KLK12: variants seen among roughly 807,000 people sequenced by gnomAD.
KLK12 encodes the protein kallikrein related peptidase 12, also known as kallikrein-12.
A neutral mutation model predicts 20.0 loss-of-function variants in KLK12; 23 were observed. The ratio of observed to expected loss-of-function variants is 1.15; its 90% CI spans 0.83 to 1.63. The LOEUF (loss-of-function observed/expected upper bound fraction) is 1.63, where lower values mean the gene tolerates loss of function less well. KLK12 is among the 40% of genes most tolerant of loss of function. The probability of loss-of-function intolerance (pLI) is 0.00; values close to 1 mark genes in which losing one functional copy is unlikely to be tolerated. For synonymous variants in KLK12, 147 were observed against 141.9 expected (o/e 1.04, Z -0.25); for missense variants, 351 against 338.6 (o/e 1.04, Z -0.29).
chr19:51,034,764 G>T (rs2091595506), intron 1 of KLK12, 42 bp downstream of exon 1: 1 of 1,520,852 alleles, frequency 6.6e-7, no homozygotes, highest in Admixed American at 2.0e-5. Flanking sequence ...CTGCTCCCCT[G>T]TGTGTCACTC....
At chr19:51,032,801 C>T (rs2091572745) in intron 3 of KLK12, among the ~76,000 whole-genome samples, 1 of 152,126 alleles carries the variant, frequency 6.6e-6, no homozygotes, top group Non-Finnish European at 1.5e-5. Context: ...CATGCTCATG[C>T]GTGGACGAGT....
At position 51,031,976 on chromosome 19, in the gene KLK12, G is replaced by T; in HGVS notation, c.357C>A (p.Arg119=). 1 of 1,613,164 alleles carries T rather than the reference G, an allele frequency of 6.2e-7. No homozygotes were observed. The highest frequency in any genetic ancestry group is 2.2e-5 in the East Asian group (1 of 44,872). ...LRLLRLRLPV[R]VTSSVQPLPL... ...GCAGGGGTTGAACGCTGCTGGTTAC[G>T]CGGACGGGCAGGCGCAGCCGCAGCA... The change falls in exon 4 of 6, where the codon CGC becomes CGA. Residue 119 remains arginine (R), a synonymous_variant. Coordinates refer to ENST00000684732, the MANE Select transcript of KLK12 (RefSeq NM_001370125.1).
intron 3 of KLK12, 56 bp from the exon 4 acceptor site, chr19:51,032,191 C>G: frequency 6.1e-6 from 9 of 1,483,414 alleles, no homozygotes; most frequent in Non-Finnish European, 8.0e-6. Context: ...ACCTTGCACC[C>G]CTCCACGGAC....
rs2091552321 is a variant in KLK12, at chr19:51,030,981, CCCTCTT to C, written c.458-66_458-61del. On this transcript the variant is annotated intron_variant, in intron 4 of 5. Coordinates refer to ENST00000684732, the MANE Select transcript of KLK12 (RefSeq NM_001370125.1). ...AAATCTCCCCACTTTGAGGCCACGT[CCCTCTT>C]CCCTGGATGTGGCCCATCCATGTCA... 7 of 1,607,848 alleles carry C rather than the reference CCCTCTT, an allele frequency of 4.4e-6. No individual in the cohort carries two copies. In the South Asian group the frequency reaches 6.6e-5, roughly 15 times the overall value.
Position 51,034,794 on chromosome 19 carries a change from C to T in KLK12, c.-20+12G>A. 1 of 1,485,080 alleles carries T rather than the reference C, an allele frequency of 6.7e-7. No homozygotes were observed. The allele number at this position is 1,485,080 out of a possible 1,614,324, so 92.0% of individuals were successfully genotyped here. On this transcript the variant is annotated intron_variant, in intron 1 of 5. Transcript: ENST00000684732. ...TCACTCCCTCATTGGCAGTCGCCTACCTCCTTCTCACCTTGTCTCTTTGTC... is the reference window on the plus strand; with the variant it reads ...TCACTCCCTCATTGGCAGTCGCCTATCTCCTTCTCACCTTGTCTCTTTGTC...
At chr19:51,032,444 T>C (rs981296885) in intron 3 of KLK12, among the ~76,000 whole-genome samples, 3 of 147,326 alleles carry the variant, frequency 2.0e-5, no homozygotes, top group Non-Finnish European at 4.5e-5. Context: ...TGGAGTGCAG[T>C]GGCACCATCT....
chr19:51,034,161 G>A (rs2091588986), intron 2 of KLK12, 22 bp from the exon 3 acceptor site: 4 of 1,551,244 alleles, frequency 2.6e-6, no homozygotes, highest in Admixed American at 2.0e-5. Flanking sequence ...CAGGGGCATG[G>A]GTCAGAGAGA....
rs772403570 is a variant in KLK12, at chr19:51,030,769, G to A, written c.591+19C>T. 23 of 1,612,464 alleles carry A rather than the reference G, an allele frequency of 1.4e-5. No individual in the cohort carries two copies. The highest frequency in any genetic ancestry group is 1.8e-5 in the Non-Finnish European group (21 of 1,179,898). On this transcript the variant is annotated intron_variant, in intron 5 of 5. Transcript: ENST00000684732. ...ACTTCCTGTCCTGGTGACCACGCAC[G>A]CTGCCTGCACTGGCTCACCTGGCAG...
At chr19:51,033,276 G>T (rs558528793) in intron 3 of KLK12, among the ~76,000 whole-genome samples, 1 of 151,922 alleles carries the variant, frequency 6.6e-6, no homozygotes, top group African/African-American at 2.4e-5. Context: ...AGTCTACTGA[G>T]GCCCAGAGAG....
rs1353356985 is a variant in KLK12, at chr19:51,034,126, T to C, written c.51A>G (p.Ala17=). 5.8e-6 allele frequency: 9 copies of C among 1,553,010 alleles called. No homozygotes were observed. The highest frequency in any genetic ancestry group is 3.9e-5 in the Admixed American group (2 of 51,090). ...LLLCVLGLSQ[A]ATPKIFNGTE... Reference sequence around the variant, plus strand: ...TGCCATTGAAAATCTTCGGTGTGGCTGCCTGGCTGAGCCCTGGAGACAGAC... The same window carrying C: ...TGCCATTGAAAATCTTCGGTGTGGCCGCCTGGCTGAGCCCTGGAGACAGAC... Residue 17 remains alanine (A), a synonymous_variant, in exon 3 of 6, where the codon GCA becomes GCG. Coordinates refer to ENST00000684732, the MANE Select transcript of KLK12 (RefSeq NM_001370125.1).
In KLK12 at chr19:51,034,805, C is replaced by G. The variant is rs2091595800; in HGVS notation, c.-20+1G>C. 1.2e-5 allele frequency: 18 copies of G among 1,470,482 alleles called. No homozygotes were observed. Among genetic ancestry groups the G allele is most frequent in the Non-Finnish European group, 1.6e-5 (18 of 1,111,188 alleles). 91.1% of individuals were successfully genotyped at this position (1,470,482 alleles called of 1,614,324 possible). A position where few individuals can be genotyped will look rare whatever the true frequency, so the allele number is the denominator to read the frequency against. On this transcript the variant is annotated splice_donor_variant, in intron 1 of 5. Transcript: ENST00000684732. LOFTEE classifies it low-confidence loss of function (5UTR_SPLICE). The stretch of plus-strand genomic sequence containing the variant: ...TTGGCAGTCGCCTACCTCCTTCTCA[C>G]CTTGTCTCTTTGTCTGCCAGATCCT...
intron 4 of KLK12, 24 bp from the exon 5 acceptor site, chr19:51,030,945 C>A: frequency 6.2e-7 from 1 of 1,613,820 alleles, no homozygotes; most frequent in Non-Finnish European, 8.5e-7. Context: ...ATGCGTGCTG[C>A]AGGGTCCCCT....
In KLK12 at chr19:51,032,093, G is replaced by T; in HGVS notation, c.240C>A (p.Leu80=). 1 of 1,604,302 alleles carries T rather than the reference G, an allele frequency of 6.2e-7. No individual in the cohort carries two copies. ...TGTGCCGGATCTGCTCGGTCCAGTC[G>T]AGCTGGCTGAGGCTGTGTTCCCCCA... ...VRLGEHSLSQ[L]DWTEQIRHSG... is the part of the protein sequence containing the mutation. Residue 80 remains leucine (L), a synonymous_variant, in exon 4 of 6, where the codon CTC becomes CTA. Coordinates refer to ENST00000684732, the MANE Select transcript of KLK12 (RefSeq NM_001370125.1).
intron 2 of KLK12, chr19:51,034,382 G>A: frequency 7.3e-7 from 1 of 1,379,022 alleles, no homozygotes; most frequent in Admixed American, 2.7e-5. Context: ...GGGACAGAAG[G>A]GAAGAGGGAT....
intron 4 of KLK12, 23 bp downstream of exon 4, chr19:51,031,852 GA>G (rs1424895155): frequency 3.1e-6 from 5 of 1,612,344 alleles, no homozygotes; most frequent in Non-Finnish European, 4.2e-6. Flanking sequence ...CCTGACCCCT[GA>G]CCCCTGGCCC....
At chr19:51,031,344 A>G (rs533709217) in intron 4 of KLK12, among the ~76,000 whole-genome samples, 17 of 151,744 alleles carry the variant, frequency 1.1e-4, no homozygotes, top group African/African-American at 4.1e-4. Context: ...GCATCTTCCA[A>G]ACCTCACTGC....
chr19:51,030,632 G>A (rs1288473841), intron 5 of KLK12, among the ~76,000 whole-genome samples, 156 bp downstream of exon 5: 2 of 152,038 alleles, frequency 1.3e-5, no homozygotes, highest in Non-Finnish European at 2.9e-5. Context: ...TTACAGGTGT[G>A]AGCCTCCGTA....
chr19:51,031,731 G>C, intron 4 of KLK12, 145 bp downstream of exon 4: 1 of 968,564 alleles, frequency 1.0e-6, no homozygotes, highest in South Asian at 1.4e-5. Flanking sequence ...CATAATCTCT[G>C]ACCCCAAACC....
Position 51,029,243 on chromosome 19 carries a change from C to T in KLK12, c.*59G>A. 1.9e-6 allele frequency: 3 copies of T among 1,613,938 alleles called. No homozygotes were observed. The highest frequency in any genetic ancestry group is 2.5e-6 in the Non-Finnish European group (3 of 1,179,974). On this transcript the variant is annotated 3_prime_UTR_variant, in exon 6 of 6. Transcript: ENST00000684732. ...GGAAGTGATGGAGGAGATATTGGTG[C>T]TCTGAGGGCCAGAGGGGTACCCAAG... is the stretch of plus-strand genomic sequence containing the variant.
Sources: allele counts gnomAD v4.1 joint callset (sites outside exome capture counted in the v4.1 genomes callset), GRCh38; gene constraint gnomAD v4.1.1; transcripts MANE v1.5; gene names NCBI Gene and HGNC (gene_info 2026-07-23, HGNC 2026-07-21).